ITGB3BP: variants seen among roughly 807,000 people sequenced by gnomAD.
ITGB3BP encodes integrin subunit beta 3 binding protein.
In ITGB3BP, 27 loss-of-function variants were observed where a neutral mutation model predicts 29.1. The ratio of observed to expected loss-of-function variants is 0.93; its 90% CI spans 0.68 to 1.28. The LOEUF (loss-of-function observed/expected upper bound fraction) is 1.28. ITGB3BP is among the 50% of genes most tolerant of loss of function. The pLI is 0.00. For missense variants in ITGB3BP, 192 were observed against 200.2 expected (o/e 0.96, Z 0.25); for synonymous variants, 61 against 61.4 (o/e 0.99, Z 0.03).
At chr1:63,504,183 T>C (rs1646013525) in intron 2 of ITGB3BP, among the ~76,000 whole-genome samples, 1 of 151,922 alleles carries the variant, frequency 6.6e-6, no homozygotes, top group Non-Finnish European at 1.5e-5. Context: ...TCCTCTTTTA[T>C]TTCATTGAGC....
intron 4 of ITGB3BP, among the ~76,000 whole-genome samples, chr1:63,463,492 T>C (rs1042188236): frequency 1.3e-5 from 2 of 152,182 alleles, no homozygotes; most frequent in Non-Finnish European, 2.9e-5. Context: ...AGATGTTATG[T>C]TGGGAAACTA....
upstream of ITGB3BP, among the ~76,000 whole-genome samples, chr1:63,526,702 CTA>C (rs1183640652): frequency 6.6e-6 from 1 of 152,060 alleles, no homozygotes; most frequent in Non-Finnish European, 1.5e-5. Flanking sequence ...CTAAAATGCT[CTA>C]TTTTGAATTT....
chr1:63,488,377 G>A (rs1006005896), intron 3 of ITGB3BP, among the ~76,000 whole-genome samples: 4 of 151,892 alleles, frequency 2.6e-5, no homozygotes, highest in Admixed American at 6.6e-5. Context: ...CATGATAAGG[G>A]TTTTGGATCT....
chr1:63,510,153 G>A (rs1479646546), intron 1 of ITGB3BP: 1 of 597,908 alleles, frequency 1.7e-6, no homozygotes, highest in Non-Finnish European at 3.1e-6. Context: ...TCGTGCCATT[G>A]CACTCTAGCC....
chr1:63,492,193 G>GAGTGTGCATGTGCTC (rs746959233), intron 2 of ITGB3BP, among the ~76,000 whole-genome samples: 6 of 50,302 alleles, frequency 1.2e-4, no homozygotes, highest in Non-Finnish European at 4.3e-5. Flanking sequence ...TGTGCTCTGT[G>GAGTGTGCATGTGCTC]TGTGTGTGTG....
chr1:63,441,277 C>T (rs968369511), intron 8 of ITGB3BP, among the ~76,000 whole-genome samples, 174 bp from the exon 9 acceptor site: 1 of 152,102 alleles, frequency 6.6e-6, no homozygotes, highest in Non-Finnish European at 1.5e-5. Context: ...TCTCACTCTC[C>T]CCCAGGCTGG....
chr1:63,525,645 A>G (rs148610573), upstream of ITGB3BP: 16 of 1,604,302 alleles, frequency 1.0e-5, no homozygotes, highest in Non-Finnish European at 1.3e-5. Flanking sequence ...TCCTCGAACA[A>G]AGAAATTTCC....
At chr1:63,462,369 T>G (rs1342641420) in intron 4 of ITGB3BP, among the ~76,000 whole-genome samples, 1 of 152,252 alleles carries the variant, frequency 6.6e-6, no homozygotes, top group Non-Finnish European at 1.5e-5. Context: ...TAGCTTCTTG[T>G]GCACTCTTGG....
At position 63,441,706 on chromosome 1, in the gene ITGB3BP, C is replaced by CT. The variant is rs910453382; in HGVS notation, c.*2-604dup. Among the ~76,000 whole-genome samples the CT allele has an allele frequency of 1.8e-4, 27 of 152,264 alleles. 2 individuals are homozygous for CT. The highest frequency in any genetic ancestry group is 1.4e-3 in the Admixed American group (21 of 15,286). On this transcript the variant is annotated intron_variant, in intron 8 of 8. Transcript: ENST00000271002. ...TATTTACATGCCTTTGTCTATAAGC[C>CT]TTAGGGGCCTTTCAGCAGGTGTTTC...
At chr1:63,470,589 G>C (rs992515448) in intron 4 of ITGB3BP, among the ~76,000 whole-genome samples, 6 of 152,110 alleles carry the variant, frequency 3.9e-5, no homozygotes, top group African/African-American at 1.4e-4. Flanking sequence ...AGCCATTGTT[G>C]TTAGCTATAG....
intron 3 of ITGB3BP, among the ~76,000 whole-genome samples, chr1:63,482,785 C>T (rs1342729297): frequency 4.0e-5 from 6 of 151,706 alleles, no homozygotes; most frequent in African/African-American, 1.5e-4. Context: ...TTCCGAGTAG[C>T]TGGGACTGCA....
At chr1:63,457,123 G>A (rs1017452149) in intron 4 of ITGB3BP, 2 of 151,974 alleles carry the variant, frequency 1.3e-5, no homozygotes, top group African/African-American at 4.8e-5. Flanking sequence ...CTTCTCCCTA[G>A]ACGAAATCAC....
intron 4 of ITGB3BP, among the ~76,000 whole-genome samples, chr1:63,464,088 C>A (rs554012428): frequency 1.3e-5 from 2 of 152,184 alleles, no homozygotes; most frequent in Non-Finnish European, 2.9e-5. Context: ...TAACACTACT[C>A]TGAGTATCCT....
In ITGB3BP at chr1:63,486,575, C is replaced by G. The variant is rs531243509; in HGVS notation, c.184+3508G>C. ...TATTGTAAAGTATTAATACCATAAGCTTGTCATCTGTTTACAAGATGAACT... is the reference window on the plus strand; with the variant it reads ...TATTGTAAAGTATTAATACCATAAGGTTGTCATCTGTTTACAAGATGAACT... On this transcript the variant is annotated intron_variant, in intron 3 of 8. Coordinates refer to ENST00000271002, the MANE Select transcript of ITGB3BP (RefSeq NM_014288.5). 3.6e-4 allele frequency among the ~76,000 whole-genome samples: 55 copies of G among 152,078 alleles called. No individual in the cohort carries two copies. The South Asian group carries it at 0.011, about 30-fold the overall frequency.
chr1:63,454,011 T>G lies in ITGB3BP; in HGVS notation c.428-37A>C. The G allele has an allele frequency of 8.4e-7, 1 of 1,196,902 alleles. No individual in the cohort carries two copies. The highest frequency in any genetic ancestry group is 1.3e-5 in the South Asian group (1 of 77,134). 74.1% of individuals were successfully genotyped at this position (1,196,902 alleles called of 1,614,324 possible). A position where few individuals can be genotyped will look rare whatever the true frequency, so the allele number is the denominator to read the frequency against. On this transcript the variant is annotated intron_variant, in intron 6 of 8. Transcript: ENST00000271002. This position sits in a 1 kb window ranked among gnomAD's most constrained non-coding sequence, Gnocchi z 4.1. ...AAAAATCCCATGTCAAGAATTAACA[T>G]AGAATATGGATAATTTCTCAATACT...
In ITGB3BP at chr1:63,523,187, C is replaced by G; in HGVS notation, c.-54G>C. On this transcript the variant is annotated 5_prime_UTR_variant, in exon 1 of 9. Coordinates refer to ENST00000271002, the MANE Select transcript of ITGB3BP (RefSeq NM_014288.5). ...CTGAATAAAACGAACCCAGCAACTT[C>G]CGAAAACAGAAAATCCGCCAAAGGA... is the stretch of plus-strand genomic sequence containing the variant. The G allele has an allele frequency of 6.2e-7, 1 of 1,612,638 alleles. No individual in the cohort carries two copies. The highest frequency in any genetic ancestry group is 8.5e-7 in the Non-Finnish European group (1 of 1,179,578).
At chr1:63,500,333 G>A (rs942801955) in intron 2 of ITGB3BP, among the ~76,000 whole-genome samples, 4 of 151,966 alleles carry the variant, frequency 2.6e-5, no homozygotes, top group Non-Finnish European at 4.4e-5. Flanking sequence ...AGCTGGGATC[G>A]CGCCATTGCA....
upstream of ITGB3BP, chr1:63,525,817 C>T (rs931253492): frequency 3.4e-6 from 4 of 1,189,546 alleles, no homozygotes; most frequent in South Asian, 3.1e-5. Flanking sequence ...ATAAATAGGT[C>T]CGAAAGACTG....
At chr1:63,527,141 A>G (rs1646607192), upstream of ITGB3BP, among the ~76,000 whole-genome samples, 1 of 152,200 alleles carries the variant, frequency 6.6e-6, no homozygotes, top group African/African-American at 2.4e-5. Context: ...TTTTGAAAAT[A>G]TACTAAGAGA....
Sources: allele counts gnomAD v4.1 joint callset (sites outside exome capture counted in the v4.1 genomes callset), GRCh38; gene constraint gnomAD v4.1.1; non-coding constraint Gnocchi (gnomAD v3.1); transcripts MANE v1.5; gene names NCBI Gene and HGNC (gene_info 2026-07-23, HGNC 2026-07-21).